LAMA4: variants seen among roughly 807,000 people sequenced by gnomAD.
LAMA4 encodes laminin subunit alpha-4.
Under a neutral mutation model 207.1 loss-of-function variants are expected in LAMA4, and 127 were observed. That is an observed-to-expected ratio of 0.61 (90% CI 0.53 to 0.71). The LOEUF is 0.71. LAMA4 is among the 30% of genes least tolerant of loss of function. The probability of loss-of-function intolerance (pLI) is 0.00; values close to 1 mark genes in which losing one functional copy is unlikely to be tolerated. For synonymous variants in LAMA4, 761 were observed against 816.0 expected (o/e 0.93, Z 1.15); for missense variants, 2,093 against 2,246.5 (o/e 0.93, Z 1.38).
intron 4 of LAMA4, among the ~76,000 whole-genome samples, chr6:112,206,764 T>C (rs1215173851): frequency 6.6e-6 from 1 of 152,198 alleles, no homozygotes; most frequent in Non-Finnish European, 1.5e-5. Flanking sequence ...TTATAAAACT[T>C]AGGAGACTTT....
chr6:112,184,361 G>T (rs1782558678), intron 9 of LAMA4, among the ~76,000 whole-genome samples: 2 of 151,292 alleles, frequency 1.3e-5, no homozygotes, highest in African/African-American at 4.9e-5. Flanking sequence ...ATTCTAATAT[G>T]CTAAATATGG....
intron 3 of LAMA4, among the ~76,000 whole-genome samples, chr6:112,210,714 A>G (rs140909028): frequency 2.6e-5 from 4 of 152,270 alleles, no homozygotes; most frequent in Admixed American, 1.3e-4. Context: ...GTAAGGTGAA[A>G]TTGTGTAGAG....
intron 38 of LAMA4, among the ~76,000 whole-genome samples, chr6:112,112,690 C>G (rs1250162891): frequency 6.6e-6 from 1 of 152,020 alleles, no homozygotes; most frequent in Non-Finnish European, 1.5e-5. Flanking sequence ...GCGAGGGTCT[C>G]AAATATTTTT....
At chr6:112,165,924 T>G (rs1244274906) in intron 12 of LAMA4, among the ~76,000 whole-genome samples, 1 of 152,186 alleles carries the variant, frequency 6.6e-6, no homozygotes, top group Non-Finnish European at 1.5e-5. Flanking sequence ...GCAGGGACAT[T>G]GTGATTCTGA....
chr6:112,175,150 G>A (rs1554343193), intron 11 of LAMA4, among the ~76,000 whole-genome samples, 163 bp downstream of exon 11: 1 of 152,168 alleles, frequency 6.6e-6, no homozygotes, highest in Non-Finnish European at 1.5e-5. Context: ...ATAAAGTCAA[G>A]TTGTCCTGAA....
Position 112,139,225 on chromosome 6 carries a change from C to T in LAMA4, c.3177G>A (p.Val1059=). 6.2e-7 allele frequency: 1 copy of T among 1,614,160 alleles called. No homozygotes were observed. Among genetic ancestry groups the T allele is most frequent in the Non-Finnish European group, 8.5e-7 (1 of 1,180,012 alleles). Residue 1059 remains valine, a synonymous_variant, in exon 24 of 39, where the codon GTG becomes GTA. Coordinates refer to ENST00000230538, the MANE Select transcript of LAMA4 (RefSeq NM_001105206.3). ...SYFFDGSGYA[V]VRDITRRGKF... is the part of the protein sequence containing the mutation. The stretch of plus-strand genomic sequence containing the variant: ...TCCCTCTCCTTGTGATGTCTCTCAC[C>T]ACGGCATAACCGGAGCCATCGAAGA...
intron 11 of LAMA4, 53 bp downstream of exon 11, chr6:112,175,260 C>T: frequency 1.9e-6 from 3 of 1,569,582 alleles, no homozygotes; most frequent in Non-Finnish European, 2.6e-6. Flanking sequence ...TGCTATTGGA[C>T]CCACAAAGAG....
intron 1 of LAMA4, 64 bp from the exon 2 acceptor site, chr6:112,254,355 C>CTCTCCCCT: frequency 1.6e-6 from 1 of 622,432 alleles, no homozygotes; most frequent in Non-Finnish European, 2.8e-6. Context: ...CCCTCTCTCT[C>CTCTCCCCT]TCTCCCCTTC....
At chr6:112,242,739 A>T (rs1251530901) in intron 2 of LAMA4, among the ~76,000 whole-genome samples, 6 of 152,192 alleles carry the variant, frequency 3.9e-5, no homozygotes, top group Admixed American at 3.9e-4. Context: ...TCTGACTTCG[A>T]GACAGTTCCT....
intron 2 of LAMA4, among the ~76,000 whole-genome samples, chr6:112,243,691 A>C (rs1339568287): frequency 2.0e-5 from 3 of 152,214 alleles, no homozygotes; most frequent in Non-Finnish European, 4.4e-5. Flanking sequence ...AGAGTAAAAG[A>C]GTAATAATAT....
rs1778391612 is a variant in LAMA4, at chr6:112,122,022, A to G, written c.4467T>C (p.Phe1489=). The G allele has an allele frequency of 6.2e-7, 1 of 1,613,496 alleles. No homozygotes were observed. The highest frequency in any genetic ancestry group is 1.3e-5 in the African/African-American group (1 of 74,904). The change falls in exon 32 of 39, where the codon TTT becomes TTC. Residue 1489 remains phenylalanine, a synonymous_variant. Coordinates refer to ENST00000230538, the MANE Select transcript of LAMA4 (RefSeq NM_001105206.3). ...RQEFEHLKGD[F]GAKSQFSIRL... ...ATAGTGTGTTACTTTACTTGGCACCAAAATCTCCTTTTAAGTGTTCAAACT... is the reference window on the plus strand; with the variant it reads ...ATAGTGTGTTACTTTACTTGGCACCGAAATCTCCTTTTAAGTGTTCAAACT...
At chr6:112,160,399 T>C (rs1489575710) in intron 13 of LAMA4, among the ~76,000 whole-genome samples, 2 of 152,158 alleles carry the variant, frequency 1.3e-5, no homozygotes, top group Non-Finnish European at 2.9e-5. Context: ...AGCTACTGAC[T>C]CTTCTCAGAT....
intron 7 of LAMA4, among the ~76,000 whole-genome samples, chr6:112,188,160 C>T (rs1316703183): frequency 6.6e-6 from 1 of 152,202 alleles, no homozygotes; most frequent in Non-Finnish European, 1.5e-5. Flanking sequence ...TGCAACGTGC[C>T]TGTTCCCGAT....
chr6:112,210,498 A>C (rs1338526241), intron 3 of LAMA4, among the ~76,000 whole-genome samples: 2 of 152,166 alleles, frequency 1.3e-5, no homozygotes, highest in Non-Finnish European at 2.9e-5. Flanking sequence ...CAACATGAGA[A>C]ATGATATCTC....
intron 4 of LAMA4, among the ~76,000 whole-genome samples, chr6:112,203,548 TTAA>T (rs1488458405): frequency 5.9e-5 from 9 of 152,336 alleles, no homozygotes; most frequent in South Asian, 4.1e-4. Flanking sequence ...GCTAACTAAG[TTAA>T]TAATAAGTCC....
In LAMA4 at chr6:112,190,947, C is replaced by CTTTCCTTTCTTTCTTT. The variant is rs1491586717; in HGVS notation, c.718+688_718+689insAAAGAAAGAAAGGAAA. On this transcript the variant is annotated intron_variant, in intron 6 of 38. Coordinates refer to ENST00000230538, the MANE Select transcript of LAMA4 (RefSeq NM_001105206.3). The stretch of plus-strand genomic sequence containing the variant: ...TCTTTCTTTCTTTCTTTCTTTCTTT[C>CTTTCCTTTCTTTCTTT]CTTTCTTTCTTTCTTTCTTTCTTTC... Among the ~76,000 whole-genome samples the CTTTCCTTTCTTTCTTT allele has an allele frequency of 1.5e-3, 61 of 40,390 alleles. 1 individual carries two copies. The highest frequency in any genetic ancestry group is 1.7e-3 in the Admixed American group (6 of 3,584). The allele number at this position is 40,390 out of a possible 152,430, so 26.5% of individuals were successfully genotyped here.
Position 112,148,188 on chromosome 6 carries a change from G to A in LAMA4, c.2322C>T (p.Tyr774=), listed in dbSNP as rs782201409. 5 of 1,614,168 alleles carry A rather than the reference G, an allele frequency of 3.1e-6. No homozygotes were observed. The Admixed American group carries it at 6.7e-5, about 22-fold the overall frequency. Residue 774 remains tyrosine, a synonymous_variant, in exon 18 of 39, where the codon TAC becomes TAT. Coordinates refer to ENST00000230538, the MANE Select transcript of LAMA4 (RefSeq NM_001105206.3). ...QNLQHFDSSA[Y]NTAVNSARDA... is the part of the protein sequence containing the mutation. ...CCCTAGCAGAGTTCACTGCAGTGTT[G>A]TAAGCAGAAGAGTCAAAATGTTGAA...
At chr6:112,150,659 G>A (rs782193434) in intron 16 of LAMA4, 32 bp from the exon 17 acceptor site, 1 of 1,481,980 alleles carries the variant, frequency 6.7e-7, no homozygotes, top group East Asian at 2.3e-5. Context: ...AAGTACTAGT[G>A]GAGCCAAGAT....
intron 23 of LAMA4, 118 bp from the exon 24 acceptor site, chr6:112,139,409 G>C: frequency 9.3e-7 from 1 of 1,072,716 alleles, no homozygotes; most frequent in South Asian, 1.3e-5. Flanking sequence ...TTTAAATGAA[G>C]TCCTGTTGTC....
Sources: allele counts gnomAD v4.1 joint callset (sites outside exome capture counted in the v4.1 genomes callset), GRCh38; gene constraint gnomAD v4.1.1; transcripts MANE v1.5; gene names NCBI Gene and HGNC (gene_info 2026-07-23, HGNC 2026-07-21).